Variants in LRFN2 observed in about 807,000 individuals in gnomAD.
The protein encoded by LRFN2 is leucine-rich repeat and fibronectin type-III domain-containing protein 2.
Under a neutral mutation model 37.3 loss-of-function variants are expected in LRFN2, and 18 were observed. The ratio of observed to expected loss-of-function variants is 0.48; its 90% confidence interval spans 0.33 to 0.72. The LOEUF is 0.72. LRFN2 is among the 30% of genes least tolerant of loss of function. The probability of loss-of-function intolerance (pLI) is 0.02; values close to 1 mark genes in which losing one functional copy is unlikely to be tolerated. For synonymous variants in LRFN2, 556 were observed against 466.6 expected, an observed-to-expected ratio of 1.19 and a Z score of -2.47; for missense variants, 1,006 against 1,060.7, an observed-to-expected ratio of 0.95 and a Z score of 0.72.
chr6:40,402,576 G>T (rs940009233), intron 2 of LRFN2, among the ~76,000 whole-genome samples: 3 of 152,216 alleles, frequency 2.0e-5, no homozygotes, highest in African/African-American at 7.2e-5. Flanking sequence ...GGGAAATCCT[G>T]TGAGGGAGGT....
At chr6:40,417,751 C>T (rs1411071097) in intron 2 of LRFN2, among the ~76,000 whole-genome samples, 1 of 152,152 alleles carries the variant, frequency 6.6e-6, no homozygotes, top group Non-Finnish European at 1.5e-5. Context: ...CAACATGCTG[C>T]TTTGTTCCCT....
chr6:40,538,654 G>T (rs1203049283), intron 1 of LRFN2, among the ~76,000 whole-genome samples: 1 of 152,250 alleles, frequency 6.6e-6, no homozygotes, highest in East Asian at 1.9e-4. Context: ...GCACCTCCCC[G>T]GGGCTATCCC....
chr6:40,401,121 T>C (rs34765854), intron 2 of LRFN2, among the ~76,000 whole-genome samples: 3 of 151,354 alleles, frequency 2.0e-5, no homozygotes, highest in East Asian at 3.9e-4. Flanking sequence ...GAAAAGGCAT[T>C]TGGGCCTCAG....
intron 1 of LRFN2, among the ~76,000 whole-genome samples, chr6:40,456,467 G>T (rs180865675): frequency 2.6e-5 from 4 of 152,314 alleles, no homozygotes; most frequent in African/African-American, 9.6e-5. Context: ...AGCCTACTCT[G>T]TAGCTAGCCT....
intron 1 of LRFN2, among the ~76,000 whole-genome samples, chr6:40,518,220 A>G (rs1221325655): frequency 6.6e-6 from 1 of 152,210 alleles, no homozygotes; most frequent in East Asian, 1.9e-4. Context: ...TTGGCCCTGT[A>G]CTAAGCATTT....
intron 1 of LRFN2, among the ~76,000 whole-genome samples, chr6:40,487,181 G>C (rs1395055315): frequency 6.6e-6 from 1 of 152,228 alleles, no homozygotes; most frequent in Non-Finnish European, 1.5e-5. Context: ...TCTCAGGCCT[G>C]TCTCAGTCTC....
chr6:40,535,671 C>T (rs535818690), intron 1 of LRFN2, among the ~76,000 whole-genome samples: 2 of 152,256 alleles, frequency 1.3e-5, no homozygotes, highest in South Asian at 4.1e-4. Flanking sequence ...TGTCTGTTAA[C>T]TGCTTAGCTG....
At chr6:40,486,057 G>A (rs1007813192) in intron 1 of LRFN2, among the ~76,000 whole-genome samples, 1 of 152,216 alleles carries the variant, frequency 6.6e-6, no homozygotes, top group African/African-American at 2.4e-5. Context: ...CGGGGCGAGG[G>A]TGCTGAAAGG....
chr6:40,522,956 G>T (rs779852496), intron 1 of LRFN2, among the ~76,000 whole-genome samples: 13 of 152,222 alleles, frequency 8.5e-5, no homozygotes, highest in Admixed American at 2.0e-4. Context: ...AGATGAGTGT[G>T]TAATAAGGGA....
chr6:40,554,241 T>C (rs982411899), intron 1 of LRFN2, among the ~76,000 whole-genome samples: 28 of 152,174 alleles, frequency 1.8e-4, no homozygotes, highest in African/African-American at 6.5e-4. Context: ...GGATGTCAAA[T>C]GGACCCAGGG....
chr6:40,526,867 A>G (rs1766264443), intron 1 of LRFN2, among the ~76,000 whole-genome samples: 1 of 152,180 alleles, frequency 6.6e-6, no homozygotes, highest in Non-Finnish European at 1.5e-5. Flanking sequence ...TACCTGGGAG[A>G]CGGTGCAGCC....
chr6:40,521,815 A>AGG (rs1766077440), intron 1 of LRFN2, among the ~76,000 whole-genome samples: 1 of 152,138 alleles, frequency 6.6e-6, no homozygotes, highest in Admixed American at 6.5e-5. Context: ...GGGTGGGAGA[A>AGG]GCTGAACACA....
chr6:40,577,560 T>G (rs1251656945), intron 1 of LRFN2, among the ~76,000 whole-genome samples: 1 of 145,980 alleles, frequency 6.9e-6, no homozygotes, highest in Non-Finnish European at 1.5e-5. Context: ...ATTAGGTATA[T>G]CTCCCAATGC....
intron 1 of LRFN2, among the ~76,000 whole-genome samples, chr6:40,507,528 G>A (rs1454457731): frequency 6.6e-6 from 1 of 152,188 alleles, no homozygotes. Flanking sequence ...AAAGGTGGAG[G>A]GCTCTGAAGA....
intron 1 of LRFN2, among the ~76,000 whole-genome samples, chr6:40,448,371 T>A (rs938818081): frequency 2.6e-5 from 4 of 152,030 alleles, no homozygotes; most frequent in Non-Finnish European, 5.9e-5. Flanking sequence ...AAATAATTAT[T>A]TTGAGAATCA....
chr6:40,458,531 GTC>G (rs1230217512), intron 1 of LRFN2, among the ~76,000 whole-genome samples: 1 of 152,176 alleles, frequency 6.6e-6, no homozygotes, highest in African/African-American at 2.4e-5. Context: ...GCAACATAAA[GTC>G]TCAGCTTTCT....
At chr6:40,395,895 G>C (rs1762604763) in intron 2 of LRFN2, among the ~76,000 whole-genome samples, 1 of 152,146 alleles carries the variant, frequency 6.6e-6, no homozygotes, top group Non-Finnish European at 1.5e-5. Flanking sequence ...TTGAGAGGTG[G>C]ATGGACATCC....
chr6:40,503,714 T>C (rs779957728), intron 1 of LRFN2, among the ~76,000 whole-genome samples: 17 of 151,908 alleles, frequency 1.1e-4, no homozygotes, highest in Non-Finnish European at 1.2e-4. Context: ...CCAACACCAG[T>C]ATGTGCCAAG....
intron 1 of LRFN2, among the ~76,000 whole-genome samples, chr6:40,574,151 G>A (rs1767234649): frequency 6.6e-6 from 1 of 152,202 alleles, no homozygotes; most frequent in South Asian, 2.1e-4. Flanking sequence ...GAGACAAAAT[G>A]AGAGAATGCA....
Sources: allele counts gnomAD v4.1 joint callset (sites outside exome capture counted in the v4.1 genomes callset), GRCh38; gene constraint gnomAD v4.1.1; transcripts MANE v1.5; gene names NCBI Gene and HGNC (gene_info 2026-07-23, HGNC 2026-07-21).